ZNF280C: variants seen among roughly 807,000 people sequenced by gnomAD.
ZNF280C encodes zinc finger protein 280C.
ZNF280C carries 14 observed loss-of-function variants against 53.6 expected under a neutral mutation model. That is an observed-to-expected ratio of 0.26 (90% CI 0.17 to 0.41). The LOEUF is 0.41. Ranked by LOEUF, ZNF280C falls within the 10% of genes least tolerant of loss-of-function variation. ZNF280C has a pLI of 1.00. For missense variants in ZNF280C, 416 were observed against 547.1 expected (o/e 0.76, Z 2.39); for synonymous variants, 203 against 181.1 (o/e 1.12, Z -0.97).
Position 130,204,902 on chromosome X carries a change from A to G in ZNF280C, c.*75T>C, listed in dbSNP as rs1024825956. ...GTTTAACTGCCCTTTGTGTGAGAAAATACTTCAGAACTTTGAACTTAGGAA... is the reference window on the plus strand; with the variant it reads ...GTTTAACTGCCCTTTGTGTGAGAAAGTACTTCAGAACTTTGAACTTAGGAA... On this transcript the variant is annotated 3_prime_UTR_variant, in exon 19 of 19. Coordinates refer to ENST00000370978, the MANE Select transcript of ZNF280C (RefSeq NM_017666.5). 12 of 970,708 alleles carry G rather than the reference A, an allele frequency of 1.2e-5. No individual in the cohort carries two copies. In the African/African-American group the frequency reaches 1.8e-4, roughly 15 times the overall value. The allele number at this position is 970,708 out of a possible 1,213,427, so 80.0% of individuals were successfully genotyped here.
chrX:130,228,603 GT>G (rs1260732629), intron 10 of ZNF280C, among the ~76,000 whole-genome samples: 2 of 89,817 alleles, frequency 2.2e-5, no homozygotes, highest in African/African-American at 8.3e-5. Context: ...AATTTTAACA[GT>G]TTTTTTCTTC....
At chrX:130,212,258 A>G (rs2032048430) in intron 15 of ZNF280C, among the ~76,000 whole-genome samples, 1 of 112,131 alleles carries the variant, frequency 8.9e-6, no homozygotes. Context: ...AGTTAGAAAC[A>G]AACAGTTGGG....
intron 5 of ZNF280C, among the ~76,000 whole-genome samples, chrX:130,242,400 A>C (rs1488067952): frequency 1.8e-5 from 2 of 112,632 alleles, no homozygotes; most frequent in Non-Finnish European, 3.7e-5. Flanking sequence ...TTTAAAGCTA[A>C]ACTATGAAAG....
At chrX:130,213,559 G>GATTTTAGGA (rs1222444314) in intron 15 of ZNF280C, among the ~76,000 whole-genome samples, 4 of 111,976 alleles carry the variant, frequency 3.6e-5, no homozygotes, top group Admixed American at 1.9e-4. Context: ...AGATATAAAG[G>GATTTTAGGA]ATTTTAGGAC....
chrX:130,257,858 A>T (rs2032591503), intron 2 of ZNF280C, among the ~76,000 whole-genome samples: 2 of 113,007 alleles, frequency 1.8e-5, no homozygotes, highest in Non-Finnish European at 3.7e-5. Flanking sequence ...ACAGTGGCTC[A>T]CGCCTTTAAT....
intron 15 of ZNF280C, among the ~76,000 whole-genome samples, chrX:130,212,799 TAGAG>T (rs2032053912): frequency 9.1e-6 from 1 of 110,272 alleles, no homozygotes; most frequent in African/African-American, 3.3e-5. Context: ...ATGAATGTGG[TAGAG>T]AGAAAGAGAT....
chrX:130,205,980 T>C (rs1042385905), intron 16 of ZNF280C, among the ~76,000 whole-genome samples: 9 of 111,859 alleles, frequency 8.0e-5, no homozygotes, highest in African/African-American at 2.9e-4. Flanking sequence ...TGCTGAAAGC[T>C]AGGCATCAAG....
intron 15 of ZNF280C, among the ~76,000 whole-genome samples, chrX:130,214,979 T>C (rs1305604996): frequency 8.9e-6 from 1 of 112,183 alleles, no homozygotes; most frequent in Non-Finnish European, 1.9e-5. Context: ...TCATTTTAAT[T>C]TCATTAGTCT....
At chrX:130,216,189 T>A (rs1321294413) in intron 13 of ZNF280C, 88 bp from the exon 14 acceptor site, 7 of 869,067 alleles carry the variant, frequency 8.1e-6, no homozygotes, top group Non-Finnish European at 1.1e-5. Flanking sequence ...AATATCACAT[T>A]TACGGTAAAC....
chrX:130,223,231 T>A (rs1381888319), intron 12 of ZNF280C, among the ~76,000 whole-genome samples: 1 of 110,820 alleles, frequency 9.0e-6, no homozygotes. Flanking sequence ...TAATTTTTTT[T>A]ATTTTTAGTA....
Position 130,202,866 on chromosome X carries a change from G to A in ZNF280C, c.*2111C>T, listed in dbSNP as rs1413953160. On this transcript the variant is annotated 3_prime_UTR_variant, in exon 19 of 19. Coordinates refer to ENST00000370978, the MANE Select transcript of ZNF280C (RefSeq NM_017666.5). ...AAAAAATATACATCTATATATATAT[G>A]AGCAAGAAACAAGTGCATTTTTTGG... 1 of 111,058 alleles carries A rather than the reference G, an allele frequency of 9.0e-6. No homozygotes were observed. The highest frequency in any genetic ancestry group is 1.9e-5 in the Non-Finnish European group (1 of 52,987). The allele number at this position is 111,058 out of a possible 1,213,427, so 9.2% of individuals were successfully genotyped here.
intron 6 of ZNF280C, among the ~76,000 whole-genome samples, chrX:130,237,018 C>CT (rs1439399697): frequency 3.5e-4 from 39 of 111,750 alleles, no homozygotes; most frequent in African/African-American, 1.3e-3. Context: ...AGGGAATACT[C>CT]TAAGTTTCTA....
chrX:130,247,154 C>A, intron 2 of ZNF280C, 149 bp from the exon 3 acceptor site: 1 of 612,717 alleles, frequency 1.6e-6, no homozygotes, highest in Non-Finnish European at 2.4e-6. Context: ...CAGAGTTTTG[C>A]TTTTGTTGCC....
At chrX:130,245,597 T>C (rs2032441750) in intron 3 of ZNF280C, among the ~76,000 whole-genome samples, 1 of 111,015 alleles carries the variant, frequency 9.0e-6, no homozygotes, top group East Asian at 2.8e-4. Flanking sequence ...TTTCAGAAAA[T>C]TTAAAACTCA....
intron 16 of ZNF280C, among the ~76,000 whole-genome samples, chrX:130,208,850 C>T (rs2032010290): frequency 9.1e-6 from 1 of 109,948 alleles, no homozygotes; most frequent in Non-Finnish European, 1.9e-5. Flanking sequence ...TGCCTGCCAC[C>T]ATGCCCGGCT....
rs1002847077 is a variant in ZNF280C, at chrX:130,214,361, C to G, written c.1979+832G>C. On this transcript the variant is annotated intron_variant, in intron 15 of 18. Transcript: ENST00000370978. ...TAGCATCATGACTGGAATATTCCTA[C>G]AGTCTCTTATGTTTCATTGAATGAA... Among the ~76,000 whole-genome samples, 10 of 111,381 alleles carry G rather than the reference C, an allele frequency of 9.0e-5. No individual in the cohort carries two copies. In the East Asian group the frequency reaches 2.5e-3, roughly 28 times the overall value.
intron 8 of ZNF280C, among the ~76,000 whole-genome samples, chrX:130,231,552 T>C (rs1245417340): frequency 9.0e-6 from 1 of 111,265 alleles, no homozygotes; most frequent in African/African-American, 3.3e-5. Flanking sequence ...AGATGGAAAC[T>C]ACACTGAGGT....
intron 12 of ZNF280C, among the ~76,000 whole-genome samples, chrX:130,223,153 G>A (rs1488063347): frequency 9.1e-6 from 1 of 110,027 alleles, no homozygotes; most frequent in South Asian, 3.9e-4. Context: ...TGCCTCCCGG[G>A]TTCATGTGAT....
At chrX:130,239,013 A>C (rs1451879612) in intron 6 of ZNF280C, among the ~76,000 whole-genome samples, 4 of 111,547 alleles carry the variant, frequency 3.6e-5, no homozygotes, top group Non-Finnish European at 7.6e-5. Flanking sequence ...TGGACATCAA[A>C]GAACTGTAAC....
Sources: allele counts gnomAD v4.1 joint callset (sites outside exome capture counted in the v4.1 genomes callset), GRCh38; gene constraint gnomAD v4.1.1; transcripts MANE v1.5; gene names NCBI Gene and HGNC (gene_info 2026-07-23, HGNC 2026-07-21).